Variants in IL1RL2 observed in about 807,000 individuals in gnomAD.
IL1RL2 encodes interleukin-1 receptor-like 2.
Under a neutral mutation model 66.8 loss-of-function variants are expected in IL1RL2, and 68 were observed. The observed-to-expected ratio is 1.02, with a 90% CI of 0.84 to 1.25. IL1RL2 has a LOEUF of 1.25. Among genes scored for constraint, IL1RL2 ranks in the 50% most tolerant of loss-of-function variants. The probability of loss-of-function intolerance (pLI) is 0.00; values close to 1 mark genes in which losing one functional copy is unlikely to be tolerated. For missense variants in IL1RL2, 729 were observed against 709.3 expected, an observed-to-expected ratio of 1.03 and a Z score of -0.32; for synonymous variants, 305 against 264.6, an observed-to-expected ratio of 1.15 and a Z score of -1.48.
rs778705751 is a variant in IL1RL2, at chr2:102,189,104, T to C, written c.87T>C (p.Asn29=). The C allele has an allele frequency of 6.2e-7, 1 of 1,613,852 alleles. No homozygotes were observed. ...GATGCAAGGACATTTTTATGAAAAA[T>C]GAGATACTTTCAGCAAGCCAGCCTT... ...ADGCKDIFMK[N]EILSASQPFA... is the part of the protein sequence containing the mutation. Residue 29 remains asparagine (N), a synonymous_variant, in exon 3 of 12, where the codon AAT becomes AAC. Transcript: ENST00000264257.
intron 4 of IL1RL2, among the ~76,000 whole-genome samples, chr2:102,194,582 T>TA (rs1364611829): frequency 6.6e-6 from 1 of 152,230 alleles, no homozygotes; most frequent in African/African-American, 2.4e-5. Context: ...CACATGGTAC[T>TA]ATTAGTCTTT....
chr2:102,202,159 A>T (rs1420980516), intron 5 of IL1RL2, among the ~76,000 whole-genome samples: 2 of 152,014 alleles, frequency 1.3e-5, no homozygotes, highest in African/African-American at 4.8e-5. Context: ...TGGTCCTGGG[A>T]TATCCTGCTG....
In IL1RL2 at chr2:102,235,289, G is replaced by A. The variant is rs370205123; in HGVS notation, c.1678+12G>A. Reference sequence around the variant, plus strand: ...CTACCGCACCGCAGGTGAGCGGGTGGGAGGACACGAGGTTTGTCACGCACT... The same window carrying A: ...CTACCGCACCGCAGGTGAGCGGGTGAGAGGACACGAGGTTTGTCACGCACT... On this transcript the variant is annotated intron_variant, in intron 11 of 11. Transcript: ENST00000264257. 1.2e-6 allele frequency: 2 copies of A among 1,608,418 alleles called. No homozygotes were observed. Among genetic ancestry groups the A allele is most frequent in the Non-Finnish European group, 1.7e-6 (2 of 1,177,182 alleles).
In IL1RL2 at chr2:102,235,249, G is replaced by A. The variant is rs971683168; in HGVS notation, c.1650G>A (p.Leu550=). The A allele has an allele frequency of 3.7e-6, 6 of 1,613,706 alleles. No individual in the cohort carries two copies. Among genetic ancestry groups the A allele is most frequent in the East Asian group, 2.2e-5 (1 of 44,892 alleles). The change falls in exon 11 of 12, where the codon CTG becomes CTA. Residue 550 remains leucine, a synonymous_variant. Coordinates refer to ENST00000264257, the MANE Select transcript of IL1RL2 (RefSeq NM_003854.4). ...RCRPFPPVQL[L]QHTPCYRTAG... is the part of the protein sequence containing the mutation. Reference sequence around the variant, plus strand: ...GGCCGTTTCCTCCGGTCCAGCTGCTGCAGCACACACCTTGCTACCGCACCG... The same window carrying A: ...GGCCGTTTCCTCCGGTCCAGCTGCTACAGCACACACCTTGCTACCGCACCG...
intron 5 of IL1RL2, 106 bp downstream of exon 5, chr2:102,201,821 G>T: frequency 9.1e-7 from 1 of 1,102,188 alleles, no homozygotes; most frequent in South Asian, 1.5e-5. Context: ...TCTAGGTCTT[G>T]GTTTCCCTGA....
In IL1RL2 at chr2:102,201,651, T is replaced by C; in HGVS notation, c.585T>C (p.Cys195=). The change falls in exon 5 of 12, where the codon TGT becomes TGC. Residue 195 remains cysteine (C), a synonymous_variant. Transcript: ENST00000264257. The part of the protein sequence containing the change: ...VSAEDRGNYA[C]QAILTHSGKQ... ...CAGAGGACAGAGGGAACTACGCGTG[T>C]CAAGCCATACTGACACACTCAGGGA... 1.2e-6 allele frequency: 2 copies of C among 1,614,108 alleles called. No individual in the cohort carries two copies. The highest frequency in any genetic ancestry group is 1.7e-6 in the Non-Finnish European group (2 of 1,180,010).
intron 9 of IL1RL2, among the ~76,000 whole-genome samples, chr2:102,231,033 C>T (rs1339524383): frequency 6.6e-6 from 1 of 152,238 alleles, no homozygotes; most frequent in Non-Finnish European, 1.5e-5. Flanking sequence ...CACCACCCCT[C>T]TCTAGTACCT....
chr2:102,187,949 C>T, intron 2 of IL1RL2, 24 bp downstream of exon 2: 2 of 1,608,890 alleles, frequency 1.2e-6, no homozygotes. Context: ...GTCCTCCGTT[C>T]CCAGAGGCTG....
chr2:102,191,193 C>T (rs181894959), intron 3 of IL1RL2, among the ~76,000 whole-genome samples: 152 of 152,206 alleles, frequency 1.0e-3, no homozygotes, highest in African/African-American at 3.3e-3. Flanking sequence ...ACTGCCTTAG[C>T]CCTTAATCAT....
At position 102,239,190 on chromosome 2, in the gene IL1RL2, A is replaced by G; in HGVS notation, c.1679-2A>G. 6.2e-7 allele frequency: 1 copy of G among 1,613,716 alleles called. No homozygotes were observed. The highest frequency in any genetic ancestry group is 8.5e-7 in the Non-Finnish European group (1 of 1,179,636). Reference sequence around the variant, plus strand: ...GAGTAAATAGATCTTTCCTGATTTCAGGCCCAGAACTAGGCTCAAGAAGAA... The same window carrying G: ...GAGTAAATAGATCTTTCCTGATTTCGGGCCCAGAACTAGGCTCAAGAAGAA... On this transcript the variant is annotated splice_acceptor_variant, in intron 11 of 11. Coordinates refer to ENST00000264257, the MANE Select transcript of IL1RL2 (RefSeq NM_003854.4). LOFTEE classifies it high-confidence loss of function.
intron 6 of IL1RL2, among the ~76,000 whole-genome samples, chr2:102,213,095 A>G (rs1689318264): frequency 6.6e-6 from 1 of 152,254 alleles, no homozygotes; most frequent in South Asian, 2.1e-4. Flanking sequence ...TATGTGTCTT[A>G]GTGTATCAAA....
Position 102,195,643 on chromosome 2 carries a change from CTCTCTTTCTTTCTTTCTT to C in IL1RL2, c.489+3527_489+3544del, listed in dbSNP as rs1195863842. ...TTTCTTTCTTTCTCTCTCTCTCTCT[CTCTCTTTCTTTCTTTCTT>C]TCTTTCTTTCTTTCTTTCTTTCTTC... is the stretch of plus-strand genomic sequence containing the variant. On this transcript the variant is annotated intron_variant, in intron 4 of 11. Coordinates refer to ENST00000264257, the MANE Select transcript of IL1RL2 (RefSeq NM_003854.4). 9.5e-3 allele frequency among the ~76,000 whole-genome samples: 586 copies of C among 61,696 alleles called. 15 individuals are homozygous for C. Among genetic ancestry groups the C allele is most frequent in the African/African-American group, 0.024 (398 of 16,870 alleles). The allele number at this position is 61,696 out of a possible 152,430, so 40.5% of individuals were successfully genotyped here.
intron 5 of IL1RL2, among the ~76,000 whole-genome samples, chr2:102,208,506 T>C (rs964105005): frequency 3.9e-5 from 6 of 152,254 alleles, no homozygotes; most frequent in African/African-American, 1.2e-4. Context: ...AGAAAGTTGT[T>C]TTCTATATTT....
At chr2:102,235,449 T>A (rs1674797887) in intron 11 of IL1RL2, 172 bp downstream of exon 11, 1 of 985,296 alleles carries the variant, frequency 1.0e-6, no homozygotes, top group Non-Finnish European at 1.2e-6. Flanking sequence ...TTTGCTTCGA[T>A]CAGAGCTGCT....
intron 9 of IL1RL2, among the ~76,000 whole-genome samples, chr2:102,228,716 G>A (rs994136829): frequency 2.0e-5 from 3 of 152,176 alleles, no homozygotes; most frequent in Non-Finnish European, 4.4e-5. Flanking sequence ...AAAACAAGTC[G>A]GGGTAGAGTT....
intron 2 of IL1RL2, 29 bp downstream of exon 2, chr2:102,187,954 A>G (rs374196207): frequency 6.2e-7 from 1 of 1,603,836 alleles, no homozygotes; most frequent in Non-Finnish European, 8.5e-7. Flanking sequence ...CCGTTCCCAG[A>G]GGCTGCCCGA....
At chr2:102,210,210 G>A (rs577834498) in intron 5 of IL1RL2, among the ~76,000 whole-genome samples, 29 of 152,226 alleles carry the variant, frequency 1.9e-4, no homozygotes, top group African/African-American at 7.0e-4. Context: ...CAAATGTGAA[G>A]ACCCTGGCAC....
chr2:102,196,481 C>T (rs1416061916), intron 4 of IL1RL2, among the ~76,000 whole-genome samples: 1 of 152,166 alleles, frequency 6.6e-6, no homozygotes, highest in African/African-American at 2.4e-5. Context: ...ATCAATTCTG[C>T]AATATCTGGA....
At chr2:102,216,425 T>C (rs1689616727) in intron 6 of IL1RL2, among the ~76,000 whole-genome samples, 1 of 152,192 alleles carries the variant, frequency 6.6e-6, no homozygotes. Flanking sequence ...TCTTCACTTT[T>C]CGTGTATATG....
Sources: allele counts gnomAD v4.1 joint callset (sites outside exome capture counted in the v4.1 genomes callset), GRCh38; gene constraint gnomAD v4.1.1; transcripts MANE v1.5; gene names NCBI Gene and HGNC (gene_info 2026-07-23, HGNC 2026-07-21).